MYO7B: variants seen among roughly 807,000 people sequenced by gnomAD.
MYO7B encodes the protein unconventional myosin-VIIb.
In MYO7B, 212 loss-of-function variants were observed where a neutral mutation model predicts 259.7. That is an observed-to-expected ratio of 0.82 (90% confidence interval 0.73 to 0.91). The LOEUF (loss-of-function observed/expected upper bound fraction) is 0.91. Ranked by LOEUF, MYO7B falls within the 40% of genes least tolerant of loss-of-function variation. The probability of loss-of-function intolerance (pLI) is 0.00; values close to 1 mark genes in which losing one functional copy is unlikely to be tolerated. For missense variants in MYO7B, 2,732 were observed against 2,813.5 expected (o/e 0.97, Z 0.66); for synonymous variants, 1,197 against 1,166.4 (o/e 1.03, Z -0.54).
chr2:127,626,880 C>T (rs1227827864), intron 31 of MYO7B, 95 bp from the exon 32 acceptor site: 9 of 1,183,868 alleles, frequency 7.6e-6, no homozygotes, highest in Middle Eastern at 4.5e-4. Context: ...AGAGCCTTCT[C>T]AGAAGGATCC....
chr2:127,607,055 G>T lies in MYO7B; in HGVS notation c.2425-151G>T, dbSNP rs553831485. 2 of 677,702 alleles carry T rather than the reference G, an allele frequency of 3.0e-6. No individual in the cohort carries two copies. The highest frequency in any genetic ancestry group is 1.8e-5 in the African/African-American group (1 of 55,130). The allele number at this position is 677,702 out of a possible 1,614,324, so 42.0% of individuals were successfully genotyped here. Reference sequence around the variant, plus strand: ...GTAAGCAATAACTCACTATTCTTGTGTTCATAGGTGTGTACCATTCTAGCA... The same window carrying T: ...GTAAGCAATAACTCACTATTCTTGTTTTCATAGGTGTGTACCATTCTAGCA... On this transcript the variant is annotated intron_variant, in intron 20 of 47. Coordinates refer to ENST00000409816, the MANE Select transcript of MYO7B (RefSeq NM_001393586.1). This position sits in a 1 kb window ranked among gnomAD's most constrained non-coding sequence, Gnocchi z 4.4.
intron 38 of MYO7B, 87 bp from the exon 39 acceptor site, chr2:127,632,159 T>G (rs568889274): frequency 6.8e-7 from 1 of 1,461,272 alleles, no homozygotes; most frequent in East Asian, 2.5e-5. Flanking sequence ...CCCAGGCAGC[T>G]CTCACATCCG....
rs111424295 is a variant in MYO7B, at chr2:127,567,662, GATTC to G, written c.470+861_470+864del. Among the ~76,000 whole-genome samples the G allele has an allele frequency of 3.4e-3, 521 of 152,134 alleles. 3 individuals are homozygous for G. Among genetic ancestry groups the G allele is most frequent in the African/African-American group, 0.012 (492 of 41,476 alleles). The stretch of plus-strand genomic sequence containing the variant: ...CGTGGATGACATGATCCACCTGGGG[GATTC>G]ATTCATTCATTCATTCATTCATTCA... On this transcript the variant is annotated intron_variant, in intron 5 of 47. Coordinates refer to ENST00000409816, the MANE Select transcript of MYO7B (RefSeq NM_001393586.1).
At chr2:127,548,958 C>T (rs902912614) in intron 1 of MYO7B, among the ~76,000 whole-genome samples, 2 of 152,104 alleles carry the variant, frequency 1.3e-5, no homozygotes, top group Non-Finnish European at 2.9e-5. Context: ...ACATACTTTG[C>T]GTGTATTTTG....
chr2:127,607,256 G>A lies in MYO7B; in HGVS notation c.2475G>A (p.Leu825=), dbSNP rs904681197. Residue 825 remains leucine (L), a synonymous_variant, in exon 21 of 48, where the codon CTG becomes CTA. Coordinates refer to ENST00000409816, the MANE Select transcript of MYO7B (RefSeq NM_001393586.1). The surrounding 1 kb of genome is among the most constrained non-coding windows in gnomAD (Gnocchi z 4.4). ...RLQAIARSQP[L]ARQYQAMRQR... is the part of the protein sequence containing the mutation. ...AGGCTATTGCCCGGAGCCAGCCGCT[G>A]GCGAGGCAGTACCAGGCCATGCGGC... The A allele has an allele frequency of 2.6e-6, 4 of 1,550,836 alleles. No individual in the cohort carries two copies. Among genetic ancestry groups the A allele is most frequent in the Admixed American group, 2.0e-5 (1 of 51,044 alleles).
At chr2:127,634,765 C>A in intron 42 of MYO7B, 82 bp downstream of exon 42, 1 of 1,264,158 alleles carries the variant, frequency 7.9e-7, no homozygotes, top group Non-Finnish European at 1.1e-6. Context: ...CGGCCCATGC[C>A]CATTCATCCA....
At chr2:127,629,133 G>T (rs967316991) in intron 34 of MYO7B, among the ~76,000 whole-genome samples, 1 of 152,230 alleles carries the variant, frequency 6.6e-6, no homozygotes, top group African/African-American at 2.4e-5. Flanking sequence ...ACTTCAGAAG[G>T]GGGTGCTGGT....
rs752333200 is a variant in MYO7B at position 127,625,461 on chromosome 2, T to C, written c.4141T>C (p.Cys1381Arg). 64 of 1,612,432 alleles carry C rather than the reference T, an allele frequency of 4.0e-5. 1 individual carries two copies. In the South Asian group the frequency reaches 6.8e-4, roughly 17 times the overall value. ...GGCTGTCCAGGAGCTGCTGCCCAGC[T>C]GCATCCCCCACAAGCTGTACAGGAC... ...SKAVQELLPS[C>R]IPHKLYRTKP... Residue 1381 changes from cysteine to arginine, a missense_variant, in exon 31 of 48, where the codon TGC becomes CGC. Transcript: ENST00000409816.
chr2:127,631,029 G>T (rs1681468567), intron 36 of MYO7B, 121 bp downstream of exon 36: 1 of 1,383,094 alleles, frequency 7.2e-7, no homozygotes, highest in Non-Finnish European at 9.8e-7. Context: ...CTGCAGAGAG[G>T]CCACGCCACC....
intron 30 of MYO7B, among the ~76,000 whole-genome samples, chr2:127,624,808 C>T (rs541069709): frequency 5.2e-4 from 79 of 152,302 alleles, no homozygotes; most frequent in South Asian, 2.1e-4. Context: ...GCAGAGTGAT[C>T]GTACCCCTGA....
At chr2:127,631,389 C>T (rs377578001) in intron 37 of MYO7B, 26 bp downstream of exon 37, 9 of 1,591,550 alleles carry the variant, frequency 5.7e-6, no homozygotes, top group Admixed American at 3.4e-5. Context: ...AGCCTGCCTG[C>T]ACCTCGTCAA....
At chr2:127,629,580 C>G in intron 34 of MYO7B, 65 bp from the exon 35 acceptor site, 1 of 1,503,616 alleles carries the variant, frequency 6.7e-7, no homozygotes. Flanking sequence ...AGATGACCCA[C>G]AAAATTCCAG....
intron 19 of MYO7B, among the ~76,000 whole-genome samples, chr2:127,596,941 C>G (rs1679794547): frequency 6.6e-6 from 1 of 152,214 alleles, no homozygotes; most frequent in South Asian, 2.1e-4. Flanking sequence ...TAAGAGGGTA[C>G]CGCTAGAGTT....
Position 127,632,324 on chromosome 2 carries a change from T to G in MYO7B, c.5328T>G (p.His1776Gln), listed in dbSNP as rs750131281. The change falls in exon 39 of 48, where the codon CAT becomes CAG. Residue 1776 changes from histidine to glutamine, a missense_variant. Coordinates refer to ENST00000409816, the MANE Select transcript of MYO7B (RefSeq NM_001393586.1). ...CGCCCAGCAAGGGGCTGCTGCCCCATGCCCAGAAGTTTATAGACACTCGGA... is the reference window on the plus strand; with the variant it reads ...CGCCCAGCAAGGGGCTGCTGCCCCAGGCCCAGAAGTTTATAGACACTCGGA... ...LFPPSKGLLP[H>Q]AQKFIDTRRG... The G allele has an allele frequency of 1.2e-6, 2 of 1,607,774 alleles. No homozygotes were observed. Among genetic ancestry groups the G allele is most frequent in the Non-Finnish European group, 1.7e-6 (2 of 1,178,154 alleles).
intron 26 of MYO7B, among the ~76,000 whole-genome samples, chr2:127,619,002 T>C (rs1238874217): frequency 7.3e-6 from 1 of 136,172 alleles, no homozygotes; most frequent in Non-Finnish European, 1.6e-5. Flanking sequence ...CTGGTTGGAT[T>C]GTGGTGGCTG....
At chr2:127,633,473 G>A (rs967515720) in intron 40 of MYO7B, 110 bp downstream of exon 40, 1 of 1,072,992 alleles carries the variant, frequency 9.3e-7, no homozygotes, top group African/African-American at 1.6e-5. Flanking sequence ...GCCTTTTCTA[G>A]GGCTGTCCCA....
chr2:127,597,571 A>T lies in MYO7B; in HGVS notation c.2339+1015A>T. ...CTGGGGTGGGCTTTTTTCACTTGGC[A>T]TGTTTCTCTGGAGATTCATCCAGGT... On this transcript the variant is annotated intron_variant, in intron 19 of 47. Coordinates refer to ENST00000409816, the MANE Select transcript of MYO7B (RefSeq NM_001393586.1). This position sits in a 1 kb window ranked among gnomAD's most constrained non-coding sequence, Gnocchi z 4.8. Among the ~76,000 whole-genome samples, 1 of 152,094 alleles carries T rather than the reference A, an allele frequency of 6.6e-6. No individual in the cohort carries two copies. Among genetic ancestry groups the T allele is most frequent in the East Asian group, 1.9e-4 (1 of 5,200 alleles).
intron 28 of MYO7B, 129 bp from the exon 29 acceptor site, chr2:127,623,073 C>G (rs1680916661): frequency 2.6e-6 from 3 of 1,135,640 alleles, no homozygotes; most frequent in South Asian, 3.2e-5. Flanking sequence ...AGAGGGCCCA[C>G]CCCTGGGAAC....
Position 127,628,155 on chromosome 2 carries a change from G to T in MYO7B, c.4461-217G>T. On this transcript the variant is annotated intron_variant, in intron 33 of 47. Transcript: ENST00000409816. The surrounding 1 kb of genome is among the most constrained non-coding windows in gnomAD (Gnocchi z 4.8). ...TCTGCCCACAGCCAACCCCACACATGGGCTGCACCACTCTCAGCCTCCGAG... is the reference window on the plus strand; with the variant it reads ...TCTGCCCACAGCCAACCCCACACATTGGCTGCACCACTCTCAGCCTCCGAG... 4.4e-6 allele frequency: 3 copies of T among 688,834 alleles called. No individual in the cohort carries two copies. The highest frequency in any genetic ancestry group is 7.9e-6 in the Non-Finnish European group (3 of 379,650). The allele number at this position is 688,834 out of a possible 1,614,324, so 42.7% of individuals were successfully genotyped here. A position where few individuals can be genotyped will look rare whatever the true frequency, so the allele number is the denominator to read the frequency against.
Sources: allele counts gnomAD v4.1 joint callset (sites outside exome capture counted in the v4.1 genomes callset), GRCh38; gene constraint gnomAD v4.1.1; non-coding constraint Gnocchi (gnomAD v3.1); transcripts MANE v1.5; gene names NCBI Gene and HGNC (gene_info 2026-07-23, HGNC 2026-07-21).